Variants in PCDHGA8 observed in about 807,000 individuals in gnomAD.
The protein encoded by PCDHGA8 is protocadherin gamma subfamily A, 8.
A neutral mutation model predicts 59.2 loss-of-function variants in PCDHGA8; 45 were observed. The observed-to-expected ratio is 0.76, with a 90% CI of 0.60 to 0.98. The LOEUF (loss-of-function observed/expected upper bound fraction) is 0.98, where lower values mean the gene tolerates loss of function less well. Ranked by LOEUF, PCDHGA8 falls within the 50% of genes least tolerant of loss-of-function variation. The probability of loss-of-function intolerance (pLI) is 0.00; values close to 1 mark genes in which losing one functional copy is unlikely to be tolerated. For missense variants in PCDHGA8, 1,257 were observed against 1,196.2 expected (o/e 1.05, Z -0.75); for synonymous variants, 531 against 519.0 (o/e 1.02, Z -0.32).
intron 1 of PCDHGA8, among the ~76,000 whole-genome samples, chr5:141,462,068 C>T (rs1006462521): frequency 6.6e-6 from 1 of 152,196 alleles, no homozygotes; most frequent in African/African-American, 2.4e-5. Context: ...GGTGATCTGC[C>T]CGCCTTGGCC....
At chr5:141,399,592 G>A (rs1385029299) in intron 1 of PCDHGA8, 4 of 1,613,880 alleles carry the variant, frequency 2.5e-6, no homozygotes, top group Non-Finnish European at 3.4e-6. Flanking sequence ...CTCTATCATG[G>A]CCAGCGACCT....
chr5:141,451,745 G>T (rs562443882), intron 1 of PCDHGA8, among the ~76,000 whole-genome samples: 36 of 152,242 alleles, frequency 2.4e-4, no homozygotes, highest in Middle Eastern at 3.4e-3. Context: ...AGCTGGTCTG[G>T]TGGTGCATGC....
chr5:141,409,106 A>T (rs1474106494), intron 1 of PCDHGA8: 1 of 1,613,930 alleles, frequency 6.2e-7, no homozygotes, highest in East Asian at 2.2e-5. Context: ...AGGTATGATT[A>T]AGAATAACCA....
chr5:141,460,726 A>G lies in PCDHGA8; in HGVS notation c.2425-34081A>G, dbSNP rs545089217. ...GAGAATAAACTATTGTTATAAGCAT[A>G]TATACACATTGTATATATATGTGTA... On this transcript the variant is annotated intron_variant, in intron 1 of 3. Coordinates refer to ENST00000398604, the MANE Select transcript of PCDHGA8 (RefSeq NM_032088.2). Among the ~76,000 whole-genome samples the G allele has an allele frequency of 6.6e-5, 10 of 152,252 alleles. No homozygotes were observed. In the East Asian group the frequency reaches 1.9e-3, roughly 29 times the overall value.
intron 2 of PCDHGA8, among the ~76,000 whole-genome samples, chr5:141,499,149 A>G (rs1215155217): frequency 6.6e-6 from 1 of 152,084 alleles, no homozygotes; most frequent in African/African-American, 2.4e-5. Context: ...TCTGATCCCA[A>G]TAGCTGTTGT....
At position 141,489,481 on chromosome 5, in the gene PCDHGA8, A is replaced by C; in HGVS notation, c.2425-5326A>C. 6.2e-7 allele frequency: 1 copy of C among 1,614,040 alleles called. No homozygotes were observed. The highest frequency in any genetic ancestry group is 8.5e-7 in the Non-Finnish European group (1 of 1,180,004). ...GCGCTATTTTTCCCTGAGCTTGATG[A>C]GTGGTGCCCTGGCAGTGAATCAAAA... is the stretch of plus-strand genomic sequence containing the variant. On this transcript the variant is annotated intron_variant, in intron 1 of 3. Transcript: ENST00000398604. The surrounding 1 kb of genome is among the most constrained non-coding windows in gnomAD (Gnocchi z 4.5).
chr5:141,417,038 T>TTA (rs1491140470), intron 1 of PCDHGA8: 1 of 145,854 alleles, frequency 6.9e-6, no homozygotes, highest in Non-Finnish European at 1.5e-5. Context: ...GTTTTTTTTT[T>TTA]AAAAAAAACT....
At chr5:141,445,427 C>G (rs964779092) in intron 1 of PCDHGA8, among the ~76,000 whole-genome samples, 4 of 152,152 alleles carry the variant, frequency 2.6e-5, no homozygotes, top group African/African-American at 9.7e-5. Flanking sequence ...ATATGCAAGG[C>G]ACTGACCTAT....
intron 1 of PCDHGA8, among the ~76,000 whole-genome samples, chr5:141,468,788 C>T (rs2099179417): frequency 6.6e-6 from 1 of 151,926 alleles, no homozygotes; most frequent in Admixed American, 6.6e-5. Context: ...ATGGCGTGAA[C>T]CCGGGAGGCG....
chr5:141,424,061 CTGATT>C, intron 1 of PCDHGA8: 1 of 1,003,194 alleles, frequency 1.0e-6, no homozygotes, highest in Non-Finnish European at 1.2e-6. Flanking sequence ...TGTGCCTTCA[CTGATT>C]TGTAGTTATA....
At chr5:141,479,056 A>G (rs952560687) in intron 1 of PCDHGA8, among the ~76,000 whole-genome samples, 1 of 152,098 alleles carries the variant, frequency 6.6e-6, no homozygotes, top group Admixed American at 6.5e-5. Context: ...TTCTCAGATA[A>G]TTTTTTATGA....
chr5:141,409,200 T>C, intron 1 of PCDHGA8: 2 of 1,614,020 alleles, frequency 1.2e-6, no homozygotes, highest in Non-Finnish European at 1.7e-6. Flanking sequence ...CAGTGTAAAG[T>C]AATCATAGAA....
intron 1 of PCDHGA8, chr5:141,402,906 C>T: frequency 1.3e-6 from 2 of 1,529,180 alleles, no homozygotes; most frequent in Non-Finnish European, 1.8e-6. Context: ...CCTGATGAAG[C>T]AGCGCGCACA....
chr5:141,462,423 G>A (rs1367388191), intron 1 of PCDHGA8, among the ~76,000 whole-genome samples: 1 of 151,820 alleles, frequency 6.6e-6, no homozygotes, highest in East Asian at 1.9e-4. Context: ...GTCTATCTTG[G>A]TGAGTGTTGC....
At chr5:141,407,621 T>C (rs993791058) in intron 1 of PCDHGA8, among the ~76,000 whole-genome samples, 1 of 152,202 alleles carries the variant, frequency 6.6e-6, no homozygotes, top group African/African-American at 2.4e-5. Flanking sequence ...GTTGACATTC[T>C]ATATCTCGTA....
chr5:141,426,768 G>A (rs2096959269), intron 1 of PCDHGA8: 1 of 456,516 alleles, frequency 2.2e-6, no homozygotes, highest in Non-Finnish European at 4.4e-6. Flanking sequence ...TGCAGATGTA[G>A]GGCCTCACTC....
At position 141,486,927 on chromosome 5, in the gene PCDHGA8, G is replaced by A; in HGVS notation, c.2425-7880G>A. ...CCCCAAGCACTGCCTCCATCAGTTG[G>A]TGCTGGCCACCTAATCACAAAGGTG... On this transcript the variant is annotated intron_variant, in intron 1 of 3. Transcript: ENST00000398604. The surrounding 1 kb of genome is among the most constrained non-coding windows in gnomAD (Gnocchi z 5.0). 4 of 1,614,226 alleles carry A rather than the reference G, an allele frequency of 2.5e-6. No individual in the cohort carries two copies. Among genetic ancestry groups the A allele is most frequent in the Non-Finnish European group, 3.4e-6 (4 of 1,180,046 alleles).
intron 3 of PCDHGA8, among the ~76,000 whole-genome samples, chr5:141,509,596 G>A (rs538867815): frequency 1.3e-5 from 2 of 152,258 alleles, no homozygotes; most frequent in Admixed American, 6.5e-5. Context: ...TGGCAATTCC[G>A]AGAGGCTGCA....
chr5:141,490,715 C>G lies in PCDHGA8; in HGVS notation c.2425-4092C>G, dbSNP rs757619272. The stretch of plus-strand genomic sequence containing the variant: ...GGGGATAATGCCCGCCTCACCTACT[C>G]CATTGTAGGAAATCAGGTTCAGGGA... On this transcript the variant is annotated intron_variant, in intron 1 of 3. Coordinates refer to ENST00000398604, the MANE Select transcript of PCDHGA8 (RefSeq NM_032088.2). This position sits in a 1 kb window ranked among gnomAD's most constrained non-coding sequence, Gnocchi z 5.4. 14 of 1,614,130 alleles carry G rather than the reference C, an allele frequency of 8.7e-6. No individual in the cohort carries two copies. Among genetic ancestry groups the G allele is most frequent in the Non-Finnish European group, 1.1e-5 (13 of 1,179,978 alleles).
Sources: allele counts gnomAD v4.1 joint callset (sites outside exome capture counted in the v4.1 genomes callset), GRCh38; gene constraint gnomAD v4.1.1; non-coding constraint Gnocchi (gnomAD v3.1); transcripts MANE v1.5; gene names NCBI Gene and HGNC (gene_info 2026-07-23, HGNC 2026-07-21).